The following MAP3K1 variants were observed in gnomAD, a reference collection of about 807,000 sequenced individuals.
The protein encoded by MAP3K1 is mitogen-activated protein kinase kinase kinase 1, also known as MAP/ERK kinase kinase 1.
MAP3K1 carries 36 observed loss-of-function variants against 144.2 expected under a neutral mutation model. The observed-to-expected ratio is 0.25, with a 90% CI of 0.19 to 0.33. MAP3K1 has a LOEUF of 0.33. MAP3K1 is among the 10% of genes least tolerant of loss of function. MAP3K1 has a pLI of 1.00. For missense variants in MAP3K1, 1,650 were observed against 1,881.9 expected, an observed-to-expected ratio of 0.88 and a Z score of 2.28; for synonymous variants, 718 against 688.7, an observed-to-expected ratio of 1.04 and a Z score of -0.67.
chr5:56,882,268 G>T lies in MAP3K1; in HGVS notation c.3068G>T (p.Arg1023Leu). The stretch of plus-strand genomic sequence containing the variant: ...CCTTCTGCATCTCCTCAAACACAGC[G>T]CAAGTTTTCTCTACAATTCCACAGA... ...RIPSASPQTQ[R>L]KFSLQFHRNC... The change falls in exon 14 of 20, where the codon CGC (arginine) becomes CTC (leucine). Residue 1023 changes from arginine (R) to leucine (L), a missense_variant. By Grantham distance (102) the Arg-to-Leu change is moderately radical. Around this residue, in one of 6 missense-constraint regions of MAP3K1, gnomAD observed 841 missense variants for 886.5 expected, o/e 0.95. Transcript: ENST00000399503. The T allele has an allele frequency of 3.1e-6, 5 of 1,613,922 alleles. No individual in the cohort carries two copies. The highest frequency in any genetic ancestry group is 4.2e-6 in the Non-Finnish European group (5 of 1,179,990).
At chr5:56,818,699 T>G (rs702691) in intron 1 of MAP3K1, among the ~76,000 whole-genome samples, 76,456 of 151,904 alleles carry the variant, frequency 0.5, 21,458 homozygotes, top group Non-Finnish European at 0.65. Context: ...AGTGTTACTC[T>G]CCATTGAACA....
At chr5:56,834,758 A>G (rs1746596483) in intron 1 of MAP3K1, among the ~76,000 whole-genome samples, 1 of 152,210 alleles carries the variant, frequency 6.6e-6, no homozygotes, top group South Asian at 2.1e-4. Flanking sequence ...GCTTTAAGAA[A>G]GCCTTTTAAA....
At chr5:56,844,181 TGG>T (rs370809225) in intron 1 of MAP3K1, among the ~76,000 whole-genome samples, 4 of 133,914 alleles carry the variant, frequency 3.0e-5, no homozygotes, top group African/African-American at 8.2e-5. Flanking sequence ...TTGTTTTTTT[TGG>T]TTTTTTTTTT....
chr5:56,851,650 A>C (rs1251817047), intron 1 of MAP3K1, among the ~76,000 whole-genome samples: 1 of 152,142 alleles, frequency 6.6e-6, no homozygotes, highest in African/African-American at 2.4e-5. Context: ...CAGTAACACT[A>C]TTTGTGTGTT....
chr5:56,863,014 C>T (rs1747563784), intron 3 of MAP3K1, among the ~76,000 whole-genome samples: 1 of 152,150 alleles, frequency 6.6e-6, no homozygotes, highest in South Asian at 2.1e-4. Context: ...GTTGTTTCTA[C>T]ACCTGGAAAT....
intron 6 of MAP3K1, among the ~76,000 whole-genome samples, chr5:56,867,188 A>C (rs1747701209): frequency 6.6e-6 from 1 of 152,210 alleles, no homozygotes; most frequent in African/African-American, 2.4e-5. Flanking sequence ...AAAATAACAG[A>C]TGCTTAAAAC....
At chr5:56,869,103 AAAG>A (rs941505315) in intron 6 of MAP3K1, among the ~76,000 whole-genome samples, 1 of 151,692 alleles carries the variant, frequency 6.6e-6, no homozygotes, top group African/African-American at 2.4e-5. Flanking sequence ...AAAAAAGAGA[AAAG>A]AAAGAAAAGA....
At chr5:56,817,654 CT>C (rs1451313842) in intron 1 of MAP3K1, among the ~76,000 whole-genome samples, 8 of 152,220 alleles carry the variant, frequency 5.3e-5, no homozygotes, top group Non-Finnish European at 8.8e-5. Context: ...TGTATTAAAA[CT>C]TAACTGGAAT....
At chr5:56,858,147 T>C (rs1747395355) in intron 2 of MAP3K1, among the ~76,000 whole-genome samples, 1 of 152,206 alleles carries the variant, frequency 6.6e-6, no homozygotes, top group African/African-American at 2.4e-5. Flanking sequence ...GGCATATTAC[T>C]ACTCAATCAA....
At chr5:56,868,664 G>A (rs560874560) in intron 6 of MAP3K1, among the ~76,000 whole-genome samples, 4 of 152,134 alleles carry the variant, frequency 2.6e-5, no homozygotes, top group South Asian at 4.1e-4. Context: ...GATTACAGGC[G>A]TGAGCCACCG....
chr5:56,885,475 G>A (rs949948874), intron 16 of MAP3K1, among the ~76,000 whole-genome samples: 1 of 152,142 alleles, frequency 6.6e-6, no homozygotes, highest in Non-Finnish European at 1.5e-5. Flanking sequence ...TTTTAAAAGC[G>A]GCTAAATTTG....
chr5:56,875,439 C>G (rs967896412), intron 10 of MAP3K1, 129 bp downstream of exon 10: 31 of 935,444 alleles, frequency 3.3e-5, no homozygotes, highest in Non-Finnish European at 4.6e-5. Context: ...TATTTTTATT[C>G]CATAATTCCA....
intron 15 of MAP3K1, among the ~76,000 whole-genome samples, chr5:56,884,046 GGCT>G: frequency 6.6e-6 from 1 of 152,228 alleles, no homozygotes; most frequent in South Asian, 2.1e-4. Context: ...CTACTCAGGA[GGCT>G]GAGACAGAAG....
intron 3 of MAP3K1, among the ~76,000 whole-genome samples, chr5:56,861,520 C>T (rs982260485): frequency 2.1e-5 from 3 of 145,730 alleles, no homozygotes; most frequent in Non-Finnish European, 4.5e-5. Flanking sequence ...TTGCAGTGAG[C>T]CGAGATCACG....
intron 9 of MAP3K1, among the ~76,000 whole-genome samples, chr5:56,873,234 A>G (rs958882027): frequency 6.6e-6 from 1 of 152,338 alleles, no homozygotes; most frequent in Middle Eastern, 3.4e-3. Flanking sequence ...ATATCTAGAA[A>G]CATCTCTTCC....
rs779549793 is a variant in MAP3K1, at chr5:56,881,046, A to G, written c.2180-37A>G. ...TCTTGTTTTAGATTTTAATATCACT[A>G]TTTTTTAATCATTTATTTTTACTTT... is the stretch of plus-strand genomic sequence containing the variant. On this transcript the variant is annotated intron_variant, in intron 12 of 19. Transcript: ENST00000399503. 27 of 1,517,890 alleles carry G rather than the reference A, an allele frequency of 1.8e-5. No individual in the cohort carries two copies. In the East Asian group the frequency reaches 5.9e-4, roughly 33 times the overall value. The allele number at this position is 1,517,890 out of a possible 1,614,324, so 94.0% of individuals were successfully genotyped here.
chr5:56,816,916 G>C (rs1745993938), intron 1 of MAP3K1: 1 of 173,354 alleles, frequency 5.8e-6, no homozygotes, highest in Admixed American at 6.5e-5. Flanking sequence ...GCCAGGACCG[G>C]ATGTGTCAGC....
chr5:56,891,714 A>G (rs1748555458), intron 19 of MAP3K1, among the ~76,000 whole-genome samples: 1 of 152,150 alleles, frequency 6.6e-6, no homozygotes, highest in Non-Finnish European at 1.5e-5. Flanking sequence ...TTTTTTTATA[A>G]GGTGTAAGGA....
chr5:56,845,961 G>C (rs1189207296), intron 1 of MAP3K1, among the ~76,000 whole-genome samples: 1 of 152,186 alleles, frequency 6.6e-6, no homozygotes, highest in Non-Finnish European at 1.5e-5. Context: ...CAGGGAGATA[G>C]GTGAAAGAGT....
Sources: gnomAD v4.1 joint callset for allele counts (sites outside exome capture counted in the v4.1 genomes callset) on GRCh38, gnomAD v4.1.1 for gene constraint, gnomAD v4.1.1 regional missense constraint, MANE v1.5 for transcripts, NCBI Gene and HGNC (gene_info 2026-07-23, HGNC 2026-07-21) for gene names.